Variants in ERRFI1 observed in about 807,000 individuals in gnomAD.
ERRFI1 encodes mitogen-inducible gene 6 protein.
Under a neutral mutation model 14.6 loss-of-function variants are expected in ERRFI1, and 12 were observed. The ratio of observed to expected loss-of-function variants is 0.82; its 90% CI spans 0.53 to 1.33. The LOEUF is 1.33. Among genes scored for constraint, ERRFI1 ranks in the 40% most tolerant of loss-of-function variants. ERRFI1 has a pLI of 0.00. For missense variants in ERRFI1, 482 were observed against 572.1 expected (o/e 0.84, Z 1.61); for synonymous variants, 202 against 209.9 (o/e 0.96, Z 0.32).
intron 1 of ERRFI1, among the ~76,000 whole-genome samples, chr1:8,017,357 T>C (rs1641190929): frequency 1.3e-5 from 2 of 152,172 alleles, no homozygotes; most frequent in African/African-American, 2.4e-5. Context: ...GGTTAAAATA[T>C]TATTTCAGAT....
chr1:8,012,911 T>C lies in ERRFI1; in HGVS notation c.*299A>G, dbSNP rs928944515. On this transcript the variant is annotated 3_prime_UTR_variant, in exon 4 of 4. Coordinates refer to ENST00000377482, the MANE Select transcript of ERRFI1 (RefSeq NM_018948.4). Reference sequence around the variant, plus strand: ...AACCTGCAGCTATGGTCTATGGTTATACCACAAGTTTATATATAGGTATGT... The same window carrying C: ...AACCTGCAGCTATGGTCTATGGTTACACCACAAGTTTATATATAGGTATGT... The C allele has an allele frequency of 8.2e-6, 3 of 364,290 alleles. No homozygotes were observed. Among genetic ancestry groups the C allele is most frequent in the Non-Finnish European group, 9.9e-6 (2 of 202,126 alleles). The allele number at this position is 364,290 out of a possible 1,614,324, so 22.6% of individuals were successfully genotyped here.
intron 1 of ERRFI1, among the ~76,000 whole-genome samples, chr1:8,018,056 A>G (rs1038672240): frequency 2.0e-5 from 3 of 152,142 alleles, no homozygotes; most frequent in African/African-American, 7.2e-5. Flanking sequence ...TCTGACCACA[A>G]TAGTGTCTTT....
intron 1 of ERRFI1, among the ~76,000 whole-genome samples, chr1:8,024,471 G>A (rs1269496072): frequency 6.6e-6 from 1 of 152,198 alleles, no homozygotes; most frequent in Non-Finnish European, 1.5e-5. Context: ...ATGCTTTCAT[G>A]CAATTATTTA....
chr1:8,025,661 TA>T (rs553764247), intron 1 of ERRFI1, among the ~76,000 whole-genome samples: 68 of 149,422 alleles, frequency 4.6e-4, no homozygotes, highest in Non-Finnish European at 7.6e-4. Context: ...TTTTTACAAA[TA>T]AAAAAAAAAT....
chr1:8,014,389 A>C lies in ERRFI1; in HGVS notation c.210T>G (p.Ala70=). The change falls in exon 4 of 4, where the codon GCT becomes GCG. Residue 70 remains alanine, a synonymous_variant. Coordinates refer to ENST00000377482, the MANE Select transcript of ERRFI1 (RefSeq NM_018948.4). The stretch of plus-strand genomic sequence containing the variant: ...GGCCATTCATCGGAGCAGATTTGGA[A>C]GCATGCCCTGGAATGAACGAGAGAT... ...AQERLIPLGH[A]SKSAPMNGHC... 6.3e-7 allele frequency: 1 copy of C among 1,577,858 alleles called. No homozygotes were observed. The highest frequency in any genetic ancestry group is 8.6e-7 in the Non-Finnish European group (1 of 1,162,046).
At chr1:8,020,689 C>G (rs771165841) in intron 1 of ERRFI1, among the ~76,000 whole-genome samples, 1 of 151,910 alleles carries the variant, frequency 6.6e-6, no homozygotes, top group East Asian at 1.9e-4. Context: ...GGATTACAGG[C>G]ATGCACCAAC....
At chr1:8,016,967 C>T (rs1641184348) in intron 1 of ERRFI1, among the ~76,000 whole-genome samples, 1 of 151,404 alleles carries the variant, frequency 6.6e-6, no homozygotes, top group African/African-American at 2.4e-5. Flanking sequence ...CTGTCACCTC[C>T]TACTAGACTA....
chr1:8,013,170 T>C lies in ERRFI1; in HGVS notation c.*40A>G, dbSNP rs1641111037. The C allele has an allele frequency of 4.0e-6, 6 of 1,510,792 alleles. No individual in the cohort carries two copies. The highest frequency in any genetic ancestry group is 4.5e-6 in the Non-Finnish European group (5 of 1,121,598). The allele number at this position is 1,510,792 out of a possible 1,614,324, so 93.6% of individuals were successfully genotyped here. A position where few individuals can be genotyped will look rare whatever the true frequency, so the allele number is the denominator to read the frequency against. Reference sequence around the variant, plus strand: ...ATCAAACTGGAAAATTGAGAACCATTTGCTCCTATGTAACCTCTGCTGAAC... The same window carrying C: ...ATCAAACTGGAAAATTGAGAACCATCTGCTCCTATGTAACCTCTGCTGAAC... On this transcript the variant is annotated 3_prime_UTR_variant, in exon 4 of 4. Transcript: ENST00000377482. This position sits in a 1 kb window ranked among gnomAD's most constrained non-coding sequence, Gnocchi z 4.3.
intron 1 of ERRFI1, among the ~76,000 whole-genome samples, chr1:8,024,027 T>C (rs1271295974): frequency 6.6e-6 from 1 of 152,252 alleles, no homozygotes; most frequent in Non-Finnish European, 1.5e-5. Context: ...AGGGAGCCTA[T>C]GCCATTCCAA....
intron 1 of ERRFI1, among the ~76,000 whole-genome samples, chr1:8,017,031 C>CATT (rs779094958): frequency 4.0e-5 from 6 of 151,412 alleles, no homozygotes; most frequent in Non-Finnish European, 7.4e-5. Flanking sequence ...GTACCTGGAA[C>CATT]ATTAGTAGGT....
In ERRFI1 at chr1:8,014,365, G is replaced by C. The variant is rs1330254484; in HGVS notation, c.234C>G (p.Gly78=). The C allele has an allele frequency of 6.3e-7, 1 of 1,596,134 alleles. No individual in the cohort carries two copies. Among genetic ancestry groups the C allele is most frequent in the African/African-American group, 1.3e-5 (1 of 74,168 alleles). ...ATGGACCATTTTCTGCAAAGCAGTG[G>C]CCATTCATCGGAGCAGATTTGGAAG... The part of the protein sequence containing the change: ...GHASKSAPMN[G]HCFAENGPSQ... The change falls in exon 4 of 4, where the codon GGC becomes GGG. Residue 78 remains glycine, a synonymous_variant. Coordinates refer to ENST00000377482, the MANE Select transcript of ERRFI1 (RefSeq NM_018948.4).
chr1:8,022,572 C>T (rs150252202), intron 1 of ERRFI1, among the ~76,000 whole-genome samples: 1 of 152,230 alleles, frequency 6.6e-6, no homozygotes, highest in Non-Finnish European at 1.5e-5. Flanking sequence ...CTCTTCTGTA[C>T]TATAATCCAG....
At position 8,015,323 on chromosome 1, in the gene ERRFI1, G is replaced by A. The variant is rs770897374; in HGVS notation, c.187C>T (p.Arg63Cys). ...AYSLNSSAQE[R>C]LIPLGHASKS... ...GAATACATACCAAGTGGTATTAGGCGCTCCTGAGCAGAAGAGTTCAGACTG... is the reference window on the plus strand; with the variant it reads ...GAATACATACCAAGTGGTATTAGGCACTCCTGAGCAGAAGAGTTCAGACTG... The change falls in exon 3 of 4, where the codon CGC (arginine) becomes TGC (cysteine). Residue 63 changes from arginine (R) to cysteine (C), a missense_variant. Transcript: ENST00000377482. 19 of 1,613,910 alleles carry A rather than the reference G, an allele frequency of 1.2e-5. 1 individual carries two copies. The highest frequency in any genetic ancestry group is 8.9e-5 in the East Asian group (4 of 44,896).
At chr1:8,022,194 C>T (rs984703594) in intron 1 of ERRFI1, among the ~76,000 whole-genome samples, 4 of 152,152 alleles carry the variant, frequency 2.6e-5, no homozygotes, top group African/African-American at 7.2e-5. Context: ...CAGTCTTTAA[C>T]GATCCACGGA....
rs553326451 is a variant in ERRFI1, at chr1:8,014,868, G to A, written c.202+440C>T. ...CTGCAATGTGTTCAGTTCACACACAGCTCTTGACAAAGATCCAAGGAACAG... is the reference window on the plus strand; with the variant it reads ...CTGCAATGTGTTCAGTTCACACACAACTCTTGACAAAGATCCAAGGAACAG... On this transcript the variant is annotated intron_variant, in intron 3 of 3. Transcript: ENST00000377482. The A allele has an allele frequency of 1.4e-5, 3 of 207,890 alleles. No individual in the cohort carries two copies. In the Admixed American group the frequency reaches 1.6e-4, roughly 11 times the overall value. The allele number at this position is 207,890 out of a possible 1,614,324, so 12.9% of individuals were successfully genotyped here. A position where few individuals can be genotyped will look rare whatever the true frequency, so the allele number is the denominator to read the frequency against.
chr1:8,017,713 T>TC (rs1641197813), intron 1 of ERRFI1, among the ~76,000 whole-genome samples: 1 of 152,126 alleles, frequency 6.6e-6, no homozygotes, highest in Admixed American at 6.5e-5. Flanking sequence ...CGTTTGAAGA[T>TC]CGCTCATCCA....
intron 1 of ERRFI1, among the ~76,000 whole-genome samples, chr1:8,020,909 A>C (rs1170299912): frequency 6.6e-6 from 1 of 152,230 alleles, no homozygotes; most frequent in African/African-American, 2.4e-5. Flanking sequence ...AGGCAAGTTA[A>C]GAAAACTTCC....
At position 8,014,118 on chromosome 1, in the gene ERRFI1, C is replaced by A. The variant is rs2124060789; in HGVS notation, c.481G>T (p.Ala161Ser). ...RPLPPLPISE[A>S]LSLDDTDCEV... ...CAGTCTGTGTCATCCAGAGAGAGGG[C>A]TTCAGAGATTGGCAACGGTGGAAGA... Residue 161 changes from alanine (A) to serine (S), a missense_variant, in exon 4 of 4, where the codon GCC becomes TCC. Transcript: ENST00000377482. The A allele has an allele frequency of 6.2e-7, 1 of 1,614,100 alleles. No individual in the cohort carries two copies. The highest frequency in any genetic ancestry group is 8.5e-7 in the Non-Finnish European group (1 of 1,180,016).
Position 8,013,045 on chromosome 1 carries a change from C to T in ERRFI1, c.*165G>A. ...CAACACTAACAAAGTCAGGGTTTCTCAGCATAACAGCATCTCACAACTGCT... is the reference window on the plus strand; with the variant it reads ...CAACACTAACAAAGTCAGGGTTTCTTAGCATAACAGCATCTCACAACTGCT... On this transcript the variant is annotated 3_prime_UTR_variant, in exon 4 of 4. Coordinates refer to ENST00000377482, the MANE Select transcript of ERRFI1 (RefSeq NM_018948.4). This position sits in a 1 kb window ranked among gnomAD's most constrained non-coding sequence, Gnocchi z 4.3. The T allele has an allele frequency of 1.6e-6, 1 of 617,094 alleles. No individual in the cohort carries two copies. Among genetic ancestry groups the T allele is most frequent in the South Asian group, 2.5e-5 (1 of 40,056 alleles). 38.2% of individuals were successfully genotyped at this position (617,094 alleles called of 1,614,324 possible).
Sources: gnomAD v4.1 joint callset for allele counts (sites outside exome capture counted in the v4.1 genomes callset) on GRCh38, gnomAD v4.1.1 for gene constraint, Gnocchi (gnomAD v3.1) non-coding constraint, MANE v1.5 for transcripts, NCBI Gene and HGNC (gene_info 2026-07-23, HGNC 2026-07-21) for gene names.